Variants in KLRG1 observed in about 807,000 individuals in gnomAD.
KLRG1 encodes killer cell lectin-like receptor subfamily G member 1.
KLRG1 carries 16 observed loss-of-function variants against 21.8 expected under a neutral mutation model. That is an observed-to-expected ratio of 0.73 (90% CI 0.50 to 1.11). KLRG1 has a LOEUF of 1.11. Among genes scored for constraint, KLRG1 ranks in the 50% most tolerant of loss-of-function variants. KLRG1 has a pLI of 0.00. For synonymous variants in KLRG1, 69 were observed against 75.9 expected (o/e 0.91, Z 0.47); for missense variants, 173 against 218.3 (o/e 0.79, Z 1.31).
chr12:9,203,467 A>G, the KLRG1 span, among the ~76,000 whole-genome samples: 2 of 149,552 alleles, frequency 1.3e-5, no homozygotes, highest in Non-Finnish European at 3.0e-5. Flanking sequence ...TCAGCCTCCC[A>G]GGTAGCTGGG....
At chr12:9,025,320 G>A in the KLRG1 span, among the ~76,000 whole-genome samples, 2 of 152,278 alleles carry the variant, frequency 1.3e-5, no homozygotes, top group East Asian at 3.9e-4. Context: ...ACAAAATTAT[G>A]TTGAAAGGGA....
chr12:9,163,955 C>A, the KLRG1 span, among the ~76,000 whole-genome samples: 10 of 152,170 alleles, frequency 6.6e-5, no homozygotes, highest in African/African-American at 2.4e-4. Flanking sequence ...GATAGTGATT[C>A]TGGGGACTAG....
the KLRG1 span, among the ~76,000 whole-genome samples, chr12:9,121,526 C>G: frequency 6.6e-6 from 1 of 152,028 alleles, no homozygotes. The surrounding 1 kb of genome is among the most constrained non-coding windows in gnomAD (Gnocchi z 4.4). Context: ...GGCAACAGAG[C>G]GAGCCTCTGT....
At chr12:9,183,120 C>G in the KLRG1 span, among the ~76,000 whole-genome samples, 2 of 152,058 alleles carry the variant, frequency 1.3e-5, no homozygotes, top group African/African-American at 2.4e-5. Flanking sequence ...TTTTTCTTAA[C>G]CATATGTATT....
At chr12:9,097,640 T>TTTTTTG in the KLRG1 span, among the ~76,000 whole-genome samples, 1 of 150,766 alleles carries the variant, frequency 6.6e-6, no homozygotes, top group Non-Finnish European at 1.5e-5. Flanking sequence ...TTCTTTTTTT[T>TTTTTTG]TTTTTTTTTT....
chr12:9,146,723 G>A, the KLRG1 span, among the ~76,000 whole-genome samples: 1 of 152,152 alleles, frequency 6.6e-6, no homozygotes, highest in Non-Finnish European at 1.5e-5. Flanking sequence ...GGGAGAAGCA[G>A]GAAGCTGTGG....
At chr12:9,133,505 A>G in the KLRG1 span, among the ~76,000 whole-genome samples, 1 of 152,244 alleles carries the variant, frequency 6.6e-6, no homozygotes, top group Admixed American at 6.5e-5. Flanking sequence ...AGGTAATTCC[A>G]TATGATGATA....
chr12:9,153,160 T>C, the KLRG1 span: 4 of 1,614,214 alleles, frequency 2.5e-6, no homozygotes, highest in African/African-American at 2.7e-5. Flanking sequence ...GTTACTGTTA[T>C]GACATATTCT....
upstream of KLRG1, among the ~76,000 whole-genome samples, chr12:8,986,851 T>C (rs2137309368): frequency 6.6e-6 from 1 of 152,240 alleles, no homozygotes; most frequent in South Asian, 2.1e-4. Flanking sequence ...CCTAGAGCTG[T>C]TCTCCTGATA....
chr12:9,025,609 C>T, the KLRG1 span, among the ~76,000 whole-genome samples: 2 of 152,152 alleles, frequency 1.3e-5, no homozygotes, highest in Non-Finnish European at 2.9e-5. Flanking sequence ...TGCACTCCAG[C>T]CTGGATGACA....
chr12:9,095,575 T>G, the KLRG1 span: 1 of 1,612,458 alleles, frequency 6.2e-7, no homozygotes, highest in Non-Finnish European at 8.5e-7. Context: ...CATTTGTACT[T>G]GATACTGGAG....
the KLRG1 span, chr12:9,167,628 C>T: frequency 1.3e-5 from 2 of 152,140 alleles, no homozygotes; most frequent in East Asian, 3.9e-4. Context: ...CAAGAAATTT[C>T]ACAAGATATT....
the KLRG1 span, among the ~76,000 whole-genome samples, chr12:9,206,099 C>T: frequency 6.6e-6 from 1 of 152,142 alleles, no homozygotes; most frequent in Non-Finnish European, 1.5e-5. Flanking sequence ...CAGCTAGTCT[C>T]TTATGTCTTA....
chr12:9,207,865 A>T, the KLRG1 span, among the ~76,000 whole-genome samples: 1 of 152,342 alleles, frequency 6.6e-6, no homozygotes, highest in South Asian at 2.1e-4. Context: ...GACTTGATAC[A>T]TGATTGAAAA....
At chr12:9,034,102 C>T in the KLRG1 span, among the ~76,000 whole-genome samples, 1 of 152,214 alleles carries the variant, frequency 6.6e-6, no homozygotes, top group Non-Finnish European at 1.5e-5. Context: ...AGTCAGGTTT[C>T]AACCACAGAA....
intron 1 of KLRG1, among the ~76,000 whole-genome samples, chr12:8,978,640 TTTTCTTTCTTTCTTTCTTTCTTTC>T (rs202186076): frequency 1.8e-4 from 19 of 107,904 alleles, no homozygotes; most frequent in South Asian, 1.0e-3. Context: ...TTTTTCTTTC[TTTTCTTTCTTTCTTTCTTTCTTTC>T]TTTCTTTCTT....
chr12:8,958,848 C>A (rs1283667917), intron 1 of KLRG1, among the ~76,000 whole-genome samples: 1 of 129,640 alleles, frequency 7.7e-6, no homozygotes. Flanking sequence ...CAGAGTGATA[C>A]CCTGTATCAA....
At chr12:9,169,262 T>C in the KLRG1 span, among the ~76,000 whole-genome samples, 1 of 152,216 alleles carries the variant, frequency 6.6e-6, no homozygotes. Flanking sequence ...TACTGAGCTT[T>C]TGTGTGATCC....
chr12:9,094,838 C>T, the KLRG1 span: 3 of 424,682 alleles, frequency 7.1e-6, no homozygotes, highest in East Asian at 7.3e-5. Flanking sequence ...TACTATATGA[C>T]CTTGAGCAAT....
Sources: gnomAD v4.1 joint callset for allele counts (sites outside exome capture counted in the v4.1 genomes callset) on GRCh38, gnomAD v4.1.1 for gene constraint, Gnocchi (gnomAD v3.1) non-coding constraint, MANE v1.5 for transcripts, NCBI Gene and HGNC (gene_info 2026-07-23, HGNC 2026-07-21) for gene names.